The following PTPRD variants were observed in gnomAD, a reference collection of about 807,000 sequenced individuals.
PTPRD encodes the protein receptor-type tyrosine-protein phosphatase delta.
A neutral mutation model predicts 214.5 loss-of-function variants in PTPRD; 34 were observed. The ratio of observed to expected loss-of-function variants is 0.16; its 90% CI spans 0.12 to 0.21. The LOEUF (loss-of-function observed/expected upper bound fraction) is 0.21. PTPRD is among the 10% of genes least tolerant of loss of function. The pLI is 1.00. For missense variants in PTPRD, 2,545 were observed against 2,398.7 expected (o/e 1.06, Z -1.27); for synonymous variants, 1,128 against 845.7 (o/e 1.33, Z -5.79).
chr9:10,393,411 C>G (rs2098109897), intron 2 of PTPRD, among the ~76,000 whole-genome samples: 1 of 151,566 alleles, frequency 6.6e-6, no homozygotes, highest in African/African-American at 2.4e-5. Context: ...AGACCCATTT[C>G]TTTCAAGGTT....
At chr9:9,554,195 A>T (rs955167824) in intron 8 of PTPRD, among the ~76,000 whole-genome samples, 2 of 152,080 alleles carry the variant, frequency 1.3e-5, no homozygotes, top group Non-Finnish European at 2.9e-5. Context: ...TATGGAAAAC[A>T]CTATCAAGTA....
intron 7 of PTPRD, among the ~76,000 whole-genome samples, chr9:9,716,662 G>A (rs1325596174): frequency 6.6e-6 from 1 of 152,182 alleles, no homozygotes; most frequent in African/African-American, 2.4e-5. Flanking sequence ...CTTTAGAGAA[G>A]TGTCTGTTCA....
intron 7 of PTPRD, among the ~76,000 whole-genome samples, chr9:9,704,530 C>T (rs1011932577): frequency 1.1e-4 from 16 of 152,118 alleles, no homozygotes; most frequent in Non-Finnish European, 2.9e-5. Flanking sequence ...GGTCCAATTC[C>T]CCTTACCTTG....
intron 5 of PTPRD, among the ~76,000 whole-genome samples, chr9:9,822,437 A>ATAATATATACATAATATACAATATATATG (rs2051106910): frequency 2.7e-5 from 4 of 147,910 alleles, no homozygotes; most frequent in East Asian, 3.9e-4. Context: ...TACATAATAT[A>ATAATATATACATAATATACAATATATATG]TAATATATAC....
At chr9:10,038,892 T>A (rs2097242994) in intron 3 of PTPRD, among the ~76,000 whole-genome samples, 5 of 152,084 alleles carry the variant, frequency 3.3e-5, no homozygotes. Context: ...CCAGATTGTT[T>A]TAACAATTAT....
intron 11 of PTPRD, among the ~76,000 whole-genome samples, chr9:8,935,032 G>GTGT (rs2098987373): frequency 6.6e-6 from 1 of 151,972 alleles, no homozygotes; most frequent in African/African-American, 2.4e-5. Flanking sequence ...CACACAGAGA[G>GTGT]ATATATGTAT....
At chr9:9,311,316 A>G (rs1027858287) in intron 9 of PTPRD, among the ~76,000 whole-genome samples, 2 of 152,186 alleles carry the variant, frequency 1.3e-5, no homozygotes, top group Admixed American at 1.3e-4. Flanking sequence ...ATGTTGTCAT[A>G]TAATAAAAGA....
chr9:9,718,370 G>A (rs1043734897), intron 7 of PTPRD, among the ~76,000 whole-genome samples: 3 of 152,202 alleles, frequency 2.0e-5, no homozygotes, highest in African/African-American at 7.2e-5. Context: ...AGTGGCCGCT[G>A]TGAGGATGCC....
chr9:9,184,686 G>C (rs1383297785), intron 9 of PTPRD, among the ~76,000 whole-genome samples: 1 of 152,054 alleles, frequency 6.6e-6, no homozygotes, highest in Non-Finnish European at 1.5e-5. Flanking sequence ...TCCCACATTA[G>C]ATTGTAAACT....
intron 2 of PTPRD, among the ~76,000 whole-genome samples, chr9:10,514,454 G>A (rs1218287058): frequency 6.6e-6 from 1 of 151,154 alleles, no homozygotes; most frequent in South Asian, 2.1e-4. Flanking sequence ...GACATATATA[G>A]TTATATATAT....
At chr9:9,355,306 G>A (rs1420842236) in intron 9 of PTPRD, among the ~76,000 whole-genome samples, 1 of 151,694 alleles carries the variant, frequency 6.6e-6, no homozygotes, top group Non-Finnish European at 1.5e-5. Context: ...AATGGTAGAA[G>A]CATGGAGATC....
intron 9 of PTPRD, among the ~76,000 whole-genome samples, chr9:9,269,271 A>G (rs937514124): frequency 4.0e-5 from 6 of 151,328 alleles, no homozygotes; most frequent in South Asian, 2.1e-4. Flanking sequence ...AACATCATCA[A>G]TCATCGGAAA....
At chr9:9,953,802 C>T (rs16924757) in intron 4 of PTPRD, among the ~76,000 whole-genome samples, 3 of 152,018 alleles carry the variant, frequency 2.0e-5, no homozygotes, top group African/African-American at 7.2e-5. Flanking sequence ...CTACATAGCT[C>T]ACTCTTCCCG....
chr9:8,912,666 G>A (rs755779375), intron 11 of PTPRD, among the ~76,000 whole-genome samples: 1 of 151,814 alleles, frequency 6.6e-6, no homozygotes, highest in Non-Finnish European at 1.5e-5. Flanking sequence ...TTAGAGAAAA[G>A]GTTTTACTAA....
At chr9:8,913,491 A>C (rs2154263018) in intron 11 of PTPRD, among the ~76,000 whole-genome samples, 1 of 152,240 alleles carries the variant, frequency 6.6e-6, no homozygotes, top group South Asian at 2.1e-4. Flanking sequence ...TTATTTACAG[A>C]TGAGGGGTTC....
At chr9:10,124,868 G>A (rs377082785) in intron 3 of PTPRD, among the ~76,000 whole-genome samples, 1 of 152,224 alleles carries the variant, frequency 6.6e-6, no homozygotes, top group African/African-American at 2.4e-5. Flanking sequence ...AGATCTATTT[G>A]TGGATGTTTT....
In PTPRD at chr9:8,499,688, C is replaced by T. The variant is rs774424685; in HGVS notation, c.2281G>A (p.Gly761Ser). The T allele has an allele frequency of 1.2e-6, 2 of 1,614,014 alleles. No homozygotes were observed. The highest frequency in any genetic ancestry group is 1.7e-6 in the Non-Finnish European group (2 of 1,179,942). The part of the protein sequence containing the change: ...YVRMENGEPK[G>S]QPMLKDVMLA... ...ATGACATCTTTCAGCATGGGCTGGC[C>T]CTTGGGCTCACCATTTTCCATCCTC... Residue 761 changes from glycine to serine, a missense_variant, in exon 25 of 46, where the codon GGC (glycine) becomes AGC (serine). Physicochemically the swap from Gly to Ser is moderately conservative, Grantham distance 56. Coordinates refer to ENST00000381196, the MANE Select transcript of PTPRD (RefSeq NM_002839.4).
intron 11 of PTPRD, among the ~76,000 whole-genome samples, chr9:8,863,631 A>G (rs1383117810): frequency 1.3e-5 from 2 of 152,280 alleles, no homozygotes; most frequent in African/African-American, 4.8e-5. Flanking sequence ...CATTCTATTT[A>G]GTATAAACAT....
Position 9,447,021 on chromosome 9 carries a change from G to A in PTPRD, c.-236-49539C>T, listed in dbSNP as rs760352650. ...ATAAAATGTCAATAATATAACAAGTGCTGGCAAGGCTGTGGAGACAAAGGA... is the reference window on the plus strand; with the variant it reads ...ATAAAATGTCAATAATATAACAAGTACTGGCAAGGCTGTGGAGACAAAGGA... On this transcript the variant is annotated intron_variant, in intron 8 of 45. Transcript: ENST00000381196. Among the ~76,000 whole-genome samples, 6 of 152,134 alleles carry A rather than the reference G, an allele frequency of 3.9e-5. No individual in the cohort carries two copies. In the East Asian group the frequency reaches 1.2e-3, roughly 29 times the overall value.
Sources: gnomAD v4.1 joint callset for allele counts (sites outside exome capture counted in the v4.1 genomes callset) on GRCh38, gnomAD v4.1.1 for gene constraint, MANE v1.5 for transcripts, NCBI Gene and HGNC (gene_info 2026-07-23, HGNC 2026-07-21) for gene names.